The following ABCA2 variants were observed in gnomAD, a reference collection of about 807,000 sequenced individuals.
ABCA2 encodes the protein ATP binding cassette subfamily A member 2.
ABCA2 carries 84 observed loss-of-function variants against 262.8 expected under a neutral mutation model. The observed-to-expected ratio is 0.32, with a 90% CI of 0.27 to 0.38. The LOEUF (loss-of-function observed/expected upper bound fraction) is 0.38, where lower values mean the gene tolerates loss of function less well. Among genes scored for constraint, ABCA2 ranks in the 10% least tolerant of loss-of-function variants. The pLI, the probability that ABCA2 is intolerant of heterozygous loss-of-function variation, is 1.00. For missense variants in ABCA2, 2,662 were observed against 3,405.9 expected (o/e 0.78, Z 5.44); for synonymous variants, 1,696 against 1,502.9 (o/e 1.13, Z -2.97).
Position 137,008,800 on chromosome 9 carries a change from G to T in ABCA2, c.6999C>A (p.Ser2333Arg). 1 of 1,604,638 alleles carries T rather than the reference G, an allele frequency of 6.2e-7. No homozygotes were observed. ...SEHISLAQVF[S>R]KMEQVSGVLG... Reference sequence around the variant, plus strand: ...GCACGCCAGACACCTGCTCCATCTTGCTGAACACCTGGGCCAGCGAGATGT... The same window carrying T: ...GCACGCCAGACACCTGCTCCATCTTTCTGAACACCTGGGCCAGCGAGATGT... Residue 2333 changes from serine to arginine, a missense_variant, in exon 47 of 49, where the codon AGC (serine) becomes AGA (arginine). Ser to Arg is a moderately radical substitution (Grantham distance 110). Coordinates refer to ENST00000341511, the MANE Select transcript of ABCA2 (RefSeq NM_001606.5).
rs1831285063 is a variant in ABCA2 at position 137,017,108 on chromosome 9, G to A, written c.2570C>T (p.Thr857Met). Residue 857 changes from threonine to methionine, a missense_variant, in exon 19 of 49, where the codon ACG (threonine) becomes ATG (methionine). Thr to Met is a moderately conservative substitution (Grantham distance 81). Transcript: ENST00000341511. ...GTACTTAGAGCCCAGACCAAAGGCC[G>A]TCGTGGACATGAGGGACTGAGAAGG... ...EKCIASLMST[T>M]AFGLGSKYFA... 6.2e-7 allele frequency: 1 copy of A among 1,612,674 alleles called. No individual in the cohort carries two copies. The highest frequency in any genetic ancestry group is 8.5e-7 in the Non-Finnish European group (1 of 1,179,916).
chr9:137,011,513 A>G lies in ABCA2; in HGVS notation c.5693T>C (p.Phe1898Ser). 4 of 1,596,386 alleles carry G rather than the reference A, an allele frequency of 2.5e-6. No homozygotes were observed. Among genetic ancestry groups the G allele is most frequent in the Non-Finnish European group, 3.4e-6 (4 of 1,171,590 alleles). ...TPIMYPASFW[F>S]EVPSSAYVFL... Reference sequence around the variant, plus strand: ...CACGTAGGCGGAGCTGGGGACCTCGAACCAGAAGGAGGCCGGGTACATGAT... The same window carrying G: ...CACGTAGGCGGAGCTGGGGACCTCGGACCAGAAGGAGGCCGGGTACATGAT... Residue 1898 changes from phenylalanine to serine, a missense_variant, in exon 37 of 49, where the codon TTC becomes TCC. Phe to Ser is a radical substitution (Grantham distance 155). This residue lies in a region of ABCA2 where 602 missense variants were observed against 897.4 expected (regional missense o/e 0.67). Transcript: ENST00000341511. This position sits in a 1 kb window ranked among gnomAD's most constrained non-coding sequence, Gnocchi z 8.8.
Position 137,009,653 on chromosome 9 carries a change from GGGTGGCAGGCTCAGCTGCTGC to G in ABCA2, c.6631-30_6631-10del, listed in dbSNP as rs777739275. On this transcript the variant is annotated splice_polypyrimidine_tract_variant and intron_variant, in intron 43 of 48. Transcript: ENST00000341511. ...CCTGTGGTGGGCTCGTCCTGGGGAT[GGGTGGCAGGCTCAGCTGCTGC>G]CAGGCCCACACACCCCAGCCTGAAC... The G allele has an allele frequency of 6.8e-6, 11 of 1,612,540 alleles. No individual in the cohort carries two copies. The Admixed American group carries it at 1.5e-4, about 22-fold the overall frequency.
chr9:137,022,037 G>GGCTCAGATGGGGTGTT, intron 6 of ABCA2, 36 bp from the exon 7 acceptor site: 1 of 173,678 alleles, frequency 5.8e-6, no homozygotes, highest in Non-Finnish European at 8.7e-6. Context: ...GATGGGGTGT[G>GGCTCAGATGGGGTGTT]GGGGGCGTGG....
At position 137,021,297 on chromosome 9, in the gene ABCA2, G is replaced by A; in HGVS notation, c.897+95C>T. The A allele has an allele frequency of 1.4e-6, 2 of 1,476,464 alleles. No homozygotes were observed. Among genetic ancestry groups the A allele is most frequent in the Admixed American group, 1.9e-5 (1 of 52,684 alleles). The allele number at this position is 1,476,464 out of a possible 1,614,324, so 91.5% of individuals were successfully genotyped here. On this transcript the variant is annotated intron_variant, in intron 8 of 48. Coordinates refer to ENST00000341511, the MANE Select transcript of ABCA2 (RefSeq NM_001606.5). The surrounding 1 kb of genome is among the most constrained non-coding windows in gnomAD (Gnocchi z 6.0). ...ACAGGCAGCATCCCACGCACAGCCT[G>A]GGCCCAGGAGCCCTGAGCTCTCCAA...
chr9:137,028,141 G>A lies in ABCA2; in HGVS notation c.-1C>T. The A allele has an allele frequency of 2.0e-6, 2 of 983,548 alleles. No homozygotes were observed. The highest frequency in any genetic ancestry group is 2.4e-6 in the Non-Finnish European group (2 of 829,362). The allele number at this position is 983,548 out of a possible 1,614,324, so 60.9% of individuals were successfully genotyped here. ...GCTGCAGCTGGTGCAGGAAGCCCATGGCGGGGCCACGCTCCGCCGCCTCAG... is the reference window on the plus strand; with the variant it reads ...GCTGCAGCTGGTGCAGGAAGCCCATAGCGGGGCCACGCTCCGCCGCCTCAG... On this transcript the variant is annotated 5_prime_UTR_variant, in exon 1 of 49. Coordinates refer to ENST00000341511, the MANE Select transcript of ABCA2 (RefSeq NM_001606.5). The surrounding 1 kb of genome is among the most constrained non-coding windows in gnomAD (Gnocchi z 6.9).
In ABCA2 at chr9:137,008,761, G is replaced by A. The variant is rs1165194483; in HGVS notation, c.7038C>T (p.Asp2346=). Residue 2346 remains aspartate, a synonymous_variant, in exon 47 of 49, where the codon GAC becomes GAT. Transcript: ENST00000341511. ...CCAGTGTGGTCTGGCTGACCGAGTAGTCCTCGATGCCCAGCACGCCAGACA... is the reference window on the plus strand; with the variant it reads ...CCAGTGTGGTCTGGCTGACCGAGTAATCCTCGATGCCCAGCACGCCAGACA... ...EQVSGVLGIE[D]YSVSQTTLDN... 3.1e-6 allele frequency: 5 copies of A among 1,590,646 alleles called. No homozygotes were observed. The East Asian group carries it at 9.0e-5, about 29-fold the overall frequency.
intron 28 of ABCA2, 67 bp downstream of exon 28, chr9:137,013,765 T>C: frequency 6.6e-7 from 1 of 1,514,766 alleles, no homozygotes; most frequent in Non-Finnish European, 8.9e-7. Context: ...GGAGTGGGCA[T>C]CATCAGGGCT....
rs1830877181 is a variant in ABCA2, at chr9:137,007,546, C to T, written c.*383G>A. 1 of 314,876 alleles carries T rather than the reference C, an allele frequency of 3.2e-6. No homozygotes were observed. Among genetic ancestry groups the T allele is most frequent in the Non-Finnish European group, 6.1e-6 (1 of 165,104 alleles). 19.5% of individuals were successfully genotyped at this position (314,876 alleles called of 1,614,324 possible). On this transcript the variant is annotated 3_prime_UTR_variant, in exon 49 of 49. Coordinates refer to ENST00000341511, the MANE Select transcript of ABCA2 (RefSeq NM_001606.5). ...GCCCACAGCCCGCTCTCGGCATCAG[C>T]CTTCATCGTAAGAGAGAAAAGCTGG...
rs1831328048 is a variant in ABCA2 at position 137,018,179 on chromosome 9, C to T, written c.1992G>A (p.Gln664=). ...CGGTCTTCCGGGCCTGCTCCTCACCCTGGATCCAGACGAAGCCGTAGAGGA... is the reference window on the plus strand; with the variant it reads ...CGGTCTTCCGGGCCTGCTCCTCACCTTGGATCCAGACGAAGCCGTAGAGGA... The part of the protein sequence containing the change: ...FYFLYGFVWI[Q]DMMERAIIDT... Residue 664 remains glutamine, a splice_region_variant and synonymous_variant, in exon 14 of 49, where the codon CAG becomes CAA. Coordinates refer to ENST00000341511, the MANE Select transcript of ABCA2 (RefSeq NM_001606.5). The T allele has an allele frequency of 2.5e-6, 4 of 1,612,066 alleles. No individual in the cohort carries two copies. The highest frequency in any genetic ancestry group is 2.2e-5 in the East Asian group (1 of 44,790).
Position 137,021,737 on chromosome 9 carries a change from C to A in ABCA2, c.679-127G>T. The A allele has an allele frequency of 8.0e-7, 1 of 1,243,244 alleles. No homozygotes were observed. Among genetic ancestry groups the A allele is most frequent in the South Asian group, 1.4e-5 (1 of 71,172 alleles). The allele number at this position is 1,243,244 out of a possible 1,614,324, so 77.0% of individuals were successfully genotyped here. On this transcript the variant is annotated intron_variant, in intron 7 of 48. Transcript: ENST00000341511. The surrounding 1 kb of genome is among the most constrained non-coding windows in gnomAD (Gnocchi z 6.0). ...GCTGCCTGGGTCCCACGACATGCCT[C>A]TACCCCTCATGCCTGCCATAGACCC...
At chr9:137,025,656 A>G (rs1429859115) in intron 1 of ABCA2, among the ~76,000 whole-genome samples, 4 of 152,230 alleles carry the variant, frequency 2.6e-5, no homozygotes, top group African/African-American at 7.2e-5. Flanking sequence ...TGTGGGCACC[A>G]ACAGGCACCA....
rs761357539 is a variant in ABCA2, at chr9:137,024,174, T to C, written c.129A>G (p.Arg43=). The change falls in exon 2 of 49, where the codon CGA becomes CGG. Residue 43 remains arginine, a synonymous_variant. Coordinates refer to ENST00000341511, the MANE Select transcript of ABCA2 (RefSeq NM_001606.5). ...LVLFFILLGL[R]QKKPTISVKE... ...TCACGGAGATGGTGGGCTTCTTCTGTCGCAGCCCCAGCAGGATAAAGAACA... is the reference window on the plus strand; with the variant it reads ...TCACGGAGATGGTGGGCTTCTTCTGCCGCAGCCCCAGCAGGATAAAGAACA... The C allele has an allele frequency of 6.2e-7, 1 of 1,611,408 alleles. No individual in the cohort carries two copies. The highest frequency in any genetic ancestry group is 1.3e-5 in the African/African-American group (1 of 74,842).
intron 39 of ABCA2, 79 bp downstream of exon 39, chr9:137,010,893 AC>A (rs1292975609): frequency 1.0e-5 from 2 of 195,918 alleles, no homozygotes; most frequent in Admixed American, 9.9e-5. Context: ...CCCTGCCCCC[AC>A]CCCCGCCCCT....
chr9:137,013,786 G>T (rs745460279), intron 28 of ABCA2, 46 bp downstream of exon 28: 1 of 1,557,072 alleles, frequency 6.4e-7, no homozygotes. Flanking sequence ...CCCAGCGGGC[G>T]GTGGGGGGAG....
rs1395868575 is a variant in ABCA2, at chr9:137,009,136, C to G, written c.6828-83G>C. Reference sequence around the variant, plus strand: ...CCCAGCCTCCCAGCCCTACAGCCCCCACAGGCACCCCAGGAAGCCCCATAG... The same window carrying G: ...CCCAGCCTCCCAGCCCTACAGCCCCGACAGGCACCCCAGGAAGCCCCATAG... On this transcript the variant is annotated intron_variant, in intron 45 of 48. Coordinates refer to ENST00000341511, the MANE Select transcript of ABCA2 (RefSeq NM_001606.5). The G allele has an allele frequency of 3.6e-6, 5 of 1,396,030 alleles. No individual in the cohort carries two copies. The African/African-American group carries it at 5.7e-5, about 16-fold the overall frequency. 86.5% of individuals were successfully genotyped at this position (1,396,030 alleles called of 1,614,324 possible). A position where few individuals can be genotyped will look rare whatever the true frequency, so the allele number is the denominator to read the frequency against.
chr9:137,015,438 G>A lies in ABCA2; in HGVS notation c.3673C>T (p.Pro1225Ser), dbSNP rs1168674171. 4.5e-6 allele frequency: 7 copies of A among 1,570,326 alleles called. No individual in the cohort carries two copies. In the East Asian group the frequency reaches 1.2e-4, roughly 27 times the overall value. The change falls in exon 24 of 49, where the codon CCC becomes TCC. Residue 1225 changes from proline (P) to serine (S), a missense_variant. Pro to Ser is a moderately conservative substitution (Grantham distance 74). Around this residue, in one of 12 missense-constraint regions of ABCA2, gnomAD observed 297 missense variants for 286.5 expected, o/e 1.04. Transcript: ENST00000341511. ...DGYRLTLVKR[P>S]AEPGGPQEPG... ...CCTTGGGGGCCCCCCGGCTCGGCGG[G>A]CCGCTTGACCAGCGTGAGGCGGTAC...
chr9:137,018,931 G>A lies in ABCA2; in HGVS notation c.1694C>T (p.Ala565Val). ...GGACATGAACTGGATCCAGCCGCAG[G>A]CCGCGTTGTCAATGGTATCCAGCTG... ...LQQLDTIDNA[A>V]CGWIQFMSKV... The change falls in exon 12 of 49, where the codon GCC becomes GTC. Residue 565 changes from alanine to valine, a missense_variant. Physicochemically the swap from Ala to Val is moderately conservative, Grantham distance 64 (BLOSUM62 0). Transcript: ENST00000341511. 1 of 1,612,744 alleles carries A rather than the reference G, an allele frequency of 6.2e-7. No homozygotes were observed. The highest frequency in any genetic ancestry group is 1.1e-5 in the South Asian group (1 of 91,080).
chr9:137,020,230 C>A, intron 10 of ABCA2, 106 bp downstream of exon 10: 1 of 1,489,716 alleles, frequency 6.7e-7, no homozygotes, highest in South Asian at 1.2e-5. Context: ...CACCCCGTAC[C>A]CCTCCCGTGT....
Sources: gnomAD v4.1 joint callset for allele counts (sites outside exome capture counted in the v4.1 genomes callset) on GRCh38, gnomAD v4.1.1 for gene constraint, gnomAD v4.1.1 regional missense constraint, Gnocchi (gnomAD v3.1) non-coding constraint, MANE v1.5 for transcripts, NCBI Gene and HGNC (gene_info 2026-07-23, HGNC 2026-07-21) for gene names.